The following DLGAP2 variants were observed in gnomAD, a reference collection of about 807,000 sequenced individuals.
DLGAP2 encodes disks large-associated protein 2.
DLGAP2 carries 26 observed loss-of-function variants against 100.3 expected under a neutral mutation model. The ratio of observed to expected loss-of-function variants is 0.26; its 90% CI spans 0.19 to 0.36. The LOEUF is 0.36. Among genes scored for constraint, DLGAP2 ranks in the 10% least tolerant of loss-of-function variants. The pLI, the probability that DLGAP2 is intolerant of heterozygous loss-of-function variation, is 1.00. For missense variants in DLGAP2, 1,858 were observed against 1,453.2 expected, an observed-to-expected ratio of 1.28 and a Z score of -4.53; for synonymous variants, 886 against 630.1, an observed-to-expected ratio of 1.41 and a Z score of -6.08.
intron 2 of DLGAP2, among the ~76,000 whole-genome samples, chr8:1,178,790 C>G (rs912943106): frequency 6.6e-6 from 1 of 152,154 alleles, no homozygotes; most frequent in Non-Finnish European, 1.5e-5. Flanking sequence ...CAGGGAAGAC[C>G]CAGGTCAGCT....
At chr8:852,115 T>C (rs530741598) in intron 1 of DLGAP2, among the ~76,000 whole-genome samples, 1 of 152,242 alleles carries the variant, frequency 6.6e-6, no homozygotes, top group African/African-American at 2.4e-5. Flanking sequence ...CTCTTATGTG[T>C]GTGCAGAGAT....
chr8:759,017 A>G (rs1820992914), intron 1 of DLGAP2, among the ~76,000 whole-genome samples: 2 of 150,408 alleles, frequency 1.3e-5, no homozygotes, highest in Non-Finnish European at 3.0e-5. Context: ...TCCCATTATC[A>G]ATACCCCTGA....
chr8:1,287,410 G>C, intron 3 of DLGAP2, among the ~76,000 whole-genome samples: 1 of 136,874 alleles, frequency 7.3e-6, no homozygotes, highest in Non-Finnish European at 1.5e-5. Context: ...AGGGGAACTA[G>C]TTTTGGTTCA....
At chr8:876,904 A>G (rs568359801) in intron 1 of DLGAP2, among the ~76,000 whole-genome samples, 2 of 138,970 alleles carry the variant, frequency 1.4e-5, no homozygotes, top group South Asian at 4.4e-4. Context: ...TGATGTTGGA[A>G]TCTACAGTTA....
At chr8:1,541,027 A>C (rs1801345487) in intron 4 of DLGAP2, among the ~76,000 whole-genome samples, 1 of 151,984 alleles carries the variant, frequency 6.6e-6, no homozygotes, top group Non-Finnish European at 1.5e-5. Context: ...TACAGAGCCC[A>C]GGATTTTCTA....
At chr8:1,420,530 C>A (rs1463069284) in intron 3 of DLGAP2, among the ~76,000 whole-genome samples, 1 of 152,174 alleles carries the variant, frequency 6.6e-6, no homozygotes, top group Admixed American at 6.5e-5. Flanking sequence ...CACTATCCTA[C>A]TAAAGCATGT....
At chr8:1,666,135 A>T (rs1798538662) in intron 8 of DLGAP2, among the ~76,000 whole-genome samples, 1 of 152,224 alleles carries the variant, frequency 6.6e-6, no homozygotes, top group Admixed American at 6.5e-5. Context: ...GGGATGGAGA[A>T]GTCTTGGGAA....
chr8:1,682,820 G>T (rs1012731535), intron 12 of DLGAP2, among the ~76,000 whole-genome samples: 1 of 151,566 alleles, frequency 6.6e-6, no homozygotes, highest in Non-Finnish European at 1.5e-5. Context: ...TTAGGCATCT[G>T]AAAAACTATT....
rs139805029 is a variant in DLGAP2 at position 1,513,320 on chromosome 8, C to T, written c.172+11889C>T. Among the ~76,000 whole-genome samples the T allele has an allele frequency of 4.2e-3, 596 of 142,776 alleles. 3 individuals carry two copies. The highest frequency in any genetic ancestry group is 0.015 in the African/African-American group (568 of 37,674). The allele number at this position is 142,776 out of a possible 152,430, so 93.7% of individuals were successfully genotyped here. A position where few individuals can be genotyped will look rare whatever the true frequency, so the allele number is the denominator to read the frequency against. On this transcript the variant is annotated intron_variant, in intron 4 of 14. Coordinates refer to ENST00000637795, the MANE Select transcript of DLGAP2 (RefSeq NM_001346810.2). ...CTGCCTTTCCCAGTGCAAGGGAGGA[C>T]GGGAGAGGCCACAGGCCAGCTCCAG...
At chr8:1,441,858 G>C (rs1258191544) in intron 3 of DLGAP2, among the ~76,000 whole-genome samples, 1 of 151,278 alleles carries the variant, frequency 6.6e-6, no homozygotes, top group Non-Finnish European at 1.5e-5. Flanking sequence ...TTGTTACGTA[G>C]GTAAACATGC....
chr8:1,427,342 G>A (rs1418360611), intron 3 of DLGAP2, among the ~76,000 whole-genome samples: 1 of 152,132 alleles, frequency 6.6e-6, no homozygotes, highest in Admixed American at 6.5e-5. Flanking sequence ...ACCAAGTGTA[G>A]AATAAACACT....
chr8:1,038,089 G>A (rs761948706), intron 2 of DLGAP2, among the ~76,000 whole-genome samples: 1 of 152,216 alleles, frequency 6.6e-6, no homozygotes, highest in Non-Finnish European at 1.5e-5. Flanking sequence ...CTGTAGGTAG[G>A]CTGTGTGTGT....
At chr8:1,004,836 A>T (rs576685376) in intron 2 of DLGAP2, among the ~76,000 whole-genome samples, 9 of 152,334 alleles carry the variant, frequency 5.9e-5, no homozygotes, top group African/African-American at 1.7e-4. Flanking sequence ...ATGTCAAGGC[A>T]TTATCATATG....
intron 3 of DLGAP2, among the ~76,000 whole-genome samples, chr8:1,286,939 A>C (rs1361875165): frequency 2.0e-5 from 3 of 152,246 alleles, no homozygotes; most frequent in African/African-American, 7.2e-5. Flanking sequence ...TGAACTGGCC[A>C]TCAGCAAGTT....
At chr8:1,190,100 C>A (rs545488338) in intron 2 of DLGAP2, among the ~76,000 whole-genome samples, 3 of 152,192 alleles carry the variant, frequency 2.0e-5, no homozygotes, top group Non-Finnish European at 2.9e-5. Flanking sequence ...GCCCTCTGGA[C>A]TCTTACTGCT....
intron 6 of DLGAP2, among the ~76,000 whole-genome samples, chr8:1,571,787 A>AG (rs1802701522): frequency 1.9e-5 from 2 of 106,306 alleles, no homozygotes; most frequent in Non-Finnish European, 1.8e-5. Flanking sequence ...TGGAGAGGAG[A>AG]CGGGGTGAAC....
intron 3 of DLGAP2, among the ~76,000 whole-genome samples, chr8:1,408,041 A>C (rs1796621692): frequency 6.6e-6 from 1 of 152,222 alleles, no homozygotes; most frequent in African/African-American, 2.4e-5. Flanking sequence ...CAGGACAACC[A>C]AAAATGCCTC....
intron 1 of DLGAP2, among the ~76,000 whole-genome samples, chr8:865,708 T>C (rs2128990671): frequency 6.6e-6 from 1 of 152,268 alleles, no homozygotes; most frequent in African/African-American, 2.4e-5. Flanking sequence ...GTGCTCTTCT[T>C]TTTATAAGGC....
chr8:781,202 G>C (rs985154333), intron 1 of DLGAP2, among the ~76,000 whole-genome samples: 5 of 152,000 alleles, frequency 3.3e-5, no homozygotes, highest in African/African-American at 1.2e-4. Flanking sequence ...GGACTATATT[G>C]CTCGGGATGG....
Sources: allele counts gnomAD v4.1 joint callset (sites outside exome capture counted in the v4.1 genomes callset), GRCh38; gene constraint gnomAD v4.1.1; transcripts MANE v1.5; gene names NCBI Gene and HGNC (gene_info 2026-07-23, HGNC 2026-07-21).